The following SLCO2B1 variants were observed in gnomAD, a reference collection of about 807,000 sequenced individuals.
SLCO2B1 encodes the protein solute carrier organic anion transporter family member 2B1, also known as OATP-RP2.
Under a neutral mutation model 67.3 loss-of-function variants are expected in SLCO2B1, and 41 were observed. The observed-to-expected ratio is 0.61, with a 90% CI of 0.47 to 0.79. The LOEUF is 0.79. Among genes scored for constraint, SLCO2B1 ranks in the 30% least tolerant of loss-of-function variants. The pLI, the probability that SLCO2B1 is intolerant of heterozygous loss-of-function variation, is 0.00. For missense variants in SLCO2B1, 837 were observed against 920.1 expected, an observed-to-expected ratio of 0.91 and a Z score of 1.17; for synonymous variants, 379 against 381.4, an observed-to-expected ratio of 0.99 and a Z score of 0.07.
chr11:75,177,433 G>A (rs1001409752), intron 7 of SLCO2B1, among the ~76,000 whole-genome samples: 6 of 152,190 alleles, frequency 3.9e-5, no homozygotes, highest in African/African-American at 1.4e-4. Context: ...CAGTGGCAGG[G>A]ACAGGGCTAG....
At chr11:75,203,537 A>G in intron 13 of SLCO2B1, 110 bp downstream of exon 13, 1 of 1,384,712 alleles carries the variant, frequency 7.2e-7, no homozygotes, top group Non-Finnish European at 1.0e-6. Context: ...CTGCTAGGTG[A>G]CAGGTGTCAT....
intron 3 of SLCO2B1, among the ~76,000 whole-genome samples, chr11:75,164,878 G>A (rs1046877798): frequency 1.3e-5 from 2 of 152,160 alleles, no homozygotes; most frequent in Non-Finnish European, 2.9e-5. Flanking sequence ...CCCTGTCTCT[G>A]GGCCTCAGGG....
intron 7 of SLCO2B1, among the ~76,000 whole-genome samples, chr11:75,174,737 G>C (rs1240710654): frequency 1.3e-5 from 2 of 152,326 alleles, no homozygotes; most frequent in East Asian, 3.9e-4. Flanking sequence ...GAAAGAGAGA[G>C]AGCCTATATT....
chr11:75,171,809 C>T (rs1229460244), intron 6 of SLCO2B1, among the ~76,000 whole-genome samples: 4 of 152,046 alleles, frequency 2.6e-5, no homozygotes. Flanking sequence ...TCAGTAAGGC[C>T]AGGTATTTTT....
In SLCO2B1 at chr11:75,196,732, G is replaced by C. The variant is rs963964464; in HGVS notation, c.1599+53G>C. On this transcript the variant is annotated intron_variant, in intron 10 of 13. Transcript: ENST00000289575. The stretch of plus-strand genomic sequence containing the variant: ...TGCCCCTCAGGACTCTGCCTGCCCT[G>C]TCTCTGTGGGCCTGTCATACTCTCC... 6 of 1,526,606 alleles carry C rather than the reference G, an allele frequency of 3.9e-6. No homozygotes were observed. In the Admixed American group the frequency reaches 1.1e-4, roughly 27 times the overall value. The allele number at this position is 1,526,606 out of a possible 1,614,324, so 94.6% of individuals were successfully genotyped here.
intron 7 of SLCO2B1, among the ~76,000 whole-genome samples, chr11:75,177,608 G>T (rs1441334186): frequency 6.6e-6 from 1 of 152,200 alleles, no homozygotes; most frequent in African/African-American, 2.4e-5. Flanking sequence ...GGGCTGGACA[G>T]AGAATCACTA....
At chr11:75,157,429 A>G (rs1172807128) in intron 1 of SLCO2B1, among the ~76,000 whole-genome samples, 1 of 152,196 alleles carries the variant, frequency 6.6e-6, no homozygotes. Context: ...GAGGGATTAC[A>G]GTCTCTGCAT....
At position 75,193,372 on chromosome 11, in the gene SLCO2B1, C is replaced by T. The variant is rs1400933772; in HGVS notation, c.1230C>T (p.Asn410=). 7.4e-6 allele frequency: 12 copies of T among 1,614,230 alleles called. No homozygotes were observed. The highest frequency in any genetic ancestry group is 7.6e-6 in the Non-Finnish European group (9 of 1,180,048). ...TTTCCATCACAGCCTCCTACGCCAA[C>T]CTGCTCATCGGCTGCCTCTCCTTCC... The part of the protein sequence containing the change: ...RQFSITASYA[N]LLIGCLSFPS... The change falls in exon 9 of 14, where the codon AAC becomes AAT. Residue 410 remains asparagine, a synonymous_variant. Coordinates refer to ENST00000289575, the MANE Select transcript of SLCO2B1 (RefSeq NM_007256.5). This position sits in a 1 kb window ranked among gnomAD's most constrained non-coding sequence, Gnocchi z 4.2.
intron 1 of SLCO2B1, among the ~76,000 whole-genome samples, chr11:75,153,721 G>C (rs1380480915): frequency 1.3e-5 from 2 of 152,164 alleles, no homozygotes; most frequent in Non-Finnish European, 2.9e-5. Context: ...GGGGTCACTG[G>C]GCAACATCTT....
At position 75,151,250 on chromosome 11, in the gene SLCO2B1, T is replaced by G; in HGVS notation, c.-132T>G. ...GACCCCGTGTCTGGAGCTCCCACCG[T>G]TATTGCATCCCTGCTGTGGCTCACC... On this transcript the variant is annotated 5_prime_UTR_variant, in exon 1 of 14. Transcript: ENST00000289575. 2 of 740,058 alleles carry G rather than the reference T, an allele frequency of 2.7e-6. No individual in the cohort carries two copies. The highest frequency in any genetic ancestry group is 4.6e-6 in the Non-Finnish European group (2 of 433,666). The allele number at this position is 740,058 out of a possible 1,614,324, so 45.8% of individuals were successfully genotyped here.
chr11:75,168,407 G>A (rs1201790621), intron 4 of SLCO2B1, among the ~76,000 whole-genome samples: 1 of 152,176 alleles, frequency 6.6e-6, no homozygotes, highest in Non-Finnish European at 1.5e-5. Context: ...TAAATGGAGG[G>A]CCGCAGAGAG....
chr11:75,193,709 CT>C lies in SLCO2B1; in HGVS notation c.1433+137del. ...GCCTCCCCAGTTCTGCTTAACAGCC[CT>C]TTAGAGATTCGAGTCAAGCAGTGGG... On this transcript the variant is annotated intron_variant, in intron 9 of 13. Transcript: ENST00000289575. The surrounding 1 kb of genome is among the most constrained non-coding windows in gnomAD (Gnocchi z 4.2). 2.7e-6 allele frequency: 2 copies of C among 748,458 alleles called. No individual in the cohort carries two copies. The highest frequency in any genetic ancestry group is 4.2e-6 in the Non-Finnish European group (2 of 481,546). The allele number at this position is 748,458 out of a possible 1,614,324, so 46.4% of individuals were successfully genotyped here. A position where few individuals can be genotyped will look rare whatever the true frequency, so the allele number is the denominator to read the frequency against.
chr11:75,178,820 A>G (rs80290795), intron 7 of SLCO2B1, among the ~76,000 whole-genome samples: 162 of 152,228 alleles, frequency 1.1e-3, no homozygotes, highest in African/African-American at 3.8e-3. Context: ...TTTTGCTTCT[A>G]TGAGTTTGGC....
Position 75,164,117 on chromosome 11 carries a change from G to T in SLCO2B1, c.285+17G>T, listed in dbSNP as rs945850671. 4 of 1,604,788 alleles carry T rather than the reference G, an allele frequency of 2.5e-6. No homozygotes were observed. The highest frequency in any genetic ancestry group is 3.4e-6 in the Non-Finnish European group (4 of 1,176,046). ...TTCAACGAGGTACAGGCCCCACCCA[G>T]CCACAGGGGTGGACACTGAGGGAGG... is the stretch of plus-strand genomic sequence containing the variant. On this transcript the variant is annotated intron_variant, in intron 3 of 13. Transcript: ENST00000289575.
In SLCO2B1 at chr11:75,193,267, G is replaced by A. The variant is rs755982983; in HGVS notation, c.1125G>A (p.Leu375=). ...LQTLRHPIFL[L]VVLSQVCLSS... is the part of the protein sequence containing the mutation. Reference sequence around the variant, plus strand: ...CCCTACGCCACCCCATCTTCCTGCTGGTGGTCCTGTCCCAGGTATGCTTGT... The same window carrying A: ...CCCTACGCCACCCCATCTTCCTGCTAGTGGTCCTGTCCCAGGTATGCTTGT... Residue 375 remains leucine, a synonymous_variant, in exon 9 of 14, where the codon CTG becomes CTA. Transcript: ENST00000289575. This position sits in a 1 kb window ranked among gnomAD's most constrained non-coding sequence, Gnocchi z 4.2. 4 of 1,613,646 alleles carry A rather than the reference G, an allele frequency of 2.5e-6. No homozygotes were observed. The highest frequency in any genetic ancestry group is 2.7e-5 in the African/African-American group (2 of 74,916).
At chr11:75,204,269 G>A in intron 13 of SLCO2B1, 131 bp from the exon 14 acceptor site, 1 of 955,774 alleles carries the variant, frequency 1.0e-6, no homozygotes. Context: ...CTCCTCCAGG[G>A]AAGAGCCACA....
At position 75,151,383 on chromosome 11, in the gene SLCO2B1, TG is replaced by T. The variant is rs1295385160; in HGVS notation, c.5del (p.Gly2?). 17 of 1,613,548 alleles carry T rather than the reference TG, an allele frequency of 1.1e-5. No homozygotes were observed. The highest frequency in any genetic ancestry group is 2.7e-5 in the African/African-American group (2 of 74,894). On this transcript the variant is annotated frameshift_variant and start_lost, in exon 1 of 14. Coordinates refer to ENST00000289575, the MANE Select transcript of SLCO2B1 (RefSeq NM_007256.5). LOFTEE classifies it high-confidence loss of function. ...GGAGCTCACTGCACTCCAGCAGTCA[TG>T]GGACCCAGGATAGGTAAGTCCGAAC... [M>X]GPRIGPAGEV...
In SLCO2B1 at chr11:75,200,268, G is replaced by A. The variant is rs1732491176; in HGVS notation, c.1644G>A (p.Val548=). The part of the protein sequence containing the change: ...NCSCVVEGNP[V]LAGSCDSTCS... ...GCTGCGTGGTGGAGGGCAACCCCGT[G>A]CTGGCAGGATCCTGCGACTCAACGT... Residue 548 remains valine, a synonymous_variant, in exon 11 of 14, where the codon GTG becomes GTA. Transcript: ENST00000289575. The A allele has an allele frequency of 6.2e-7, 1 of 1,613,738 alleles. No homozygotes were observed. The highest frequency in any genetic ancestry group is 1.7e-5 in the Admixed American group (1 of 59,986).
Position 75,196,554 on chromosome 11 carries a change from G to T in SLCO2B1, c.1474G>T (p.Ala492Ser), listed in dbSNP as rs752102813. 2.5e-6 allele frequency: 4 copies of T among 1,613,960 alleles called. No homozygotes were observed. The highest frequency in any genetic ancestry group is 2.2e-5 in the East Asian group (1 of 44,888). The change falls in exon 10 of 14, where the codon GCC becomes TCC. Residue 492 changes from alanine to serine, a missense_variant. Transcript: ENST00000289575. ...GGAGCTGTCTCCAAGCTGCATGGAG[G>T]CCTGCTCCTGCCCATTGGACGGCTT... is the stretch of plus-strand genomic sequence containing the variant. ...GLELSPSCMEACSCPLDGFNP... is the reference protein window; with the variant it reads ...GLELSPSCMESCSCPLDGFNP...
Sources: gnomAD v4.1 joint callset for allele counts (sites outside exome capture counted in the v4.1 genomes callset) on GRCh38, gnomAD v4.1.1 for gene constraint, Gnocchi (gnomAD v3.1) non-coding constraint, MANE v1.5 for transcripts, NCBI Gene and HGNC (gene_info 2026-07-23, HGNC 2026-07-21) for gene names.